The following C12orf56 variants were observed in gnomAD, a reference collection of about 807,000 sequenced individuals.
C12orf56 encodes chromosome 12 open reading frame 56.
In C12orf56, 71 loss-of-function variants were observed where a neutral mutation model predicts 69.9. The observed-to-expected ratio is 1.02, with a 90% confidence interval of 0.84 to 1.24. C12orf56 has a LOEUF of 1.24. C12orf56 is among the 50% of genes most tolerant of loss of function. The pLI is 0.00. For missense variants in C12orf56, 732 were observed against 738.5 expected (o/e 0.99, Z 0.10); for synonymous variants, 276 against 274.1 (o/e 1.01, Z -0.07).
intron 5 of C12orf56, among the ~76,000 whole-genome samples, chr12:64,304,183 G>A (rs908286807): frequency 6.6e-6 from 1 of 151,996 alleles, no homozygotes; most frequent in African/African-American, 2.4e-5. Flanking sequence ...ATCACTTGGT[G>A]TAAATGGCAT....
intron 6 of C12orf56, among the ~76,000 whole-genome samples, chr12:64,300,465 C>T (rs2038429095): frequency 6.6e-6 from 1 of 152,140 alleles, no homozygotes; most frequent in Admixed American, 6.6e-5. Context: ...CTTAATCTAA[C>T]CCTTAAGTGG....
intron 2 of C12orf56, among the ~76,000 whole-genome samples, chr12:64,347,663 T>G (rs1243457275): frequency 1.3e-5 from 2 of 152,120 alleles, no homozygotes; most frequent in African/African-American, 4.8e-5. Flanking sequence ...ATATATGTGT[T>G]GAGTGTGTGA....
At chr12:64,383,856 A>G (rs1357100433) in intron 1 of C12orf56, among the ~76,000 whole-genome samples, 1 of 152,244 alleles carries the variant, frequency 6.6e-6, no homozygotes, top group African/African-American at 2.4e-5. Flanking sequence ...TGGTTTACAA[A>G]GATGACTAAG....
chr12:64,300,297 G>A (rs1320002111), intron 6 of C12orf56, among the ~76,000 whole-genome samples: 4 of 151,964 alleles, frequency 2.6e-5, no homozygotes, highest in Non-Finnish European at 5.9e-5. Context: ...TGGCGGGTCA[G>A]GTCTGTGAAT....
At chr12:64,314,870 C>A (rs1424589643) in intron 4 of C12orf56, among the ~76,000 whole-genome samples, 1 of 149,864 alleles carries the variant, frequency 6.7e-6, no homozygotes, top group African/African-American at 2.5e-5. Flanking sequence ...CTCCTGACCT[C>A]CTGATCCGCC....
chr12:64,339,098 A>G (rs897698390), intron 2 of C12orf56, among the ~76,000 whole-genome samples: 3 of 152,134 alleles, frequency 2.0e-5, no homozygotes, highest in African/African-American at 4.8e-5. Flanking sequence ...CTTTGTTAAC[A>G]TGGTATATAA....
At chr12:64,275,493 A>G in intron 9 of C12orf56, 121 bp from the exon 10 acceptor site, 1 of 466,314 alleles carries the variant, frequency 2.1e-6, no homozygotes, top group Non-Finnish European at 3.8e-6. Flanking sequence ...ACAAGGTCTC[A>G]TGCTGCCACC....
At chr12:64,319,906 A>G (rs1042458839) in intron 3 of C12orf56, among the ~76,000 whole-genome samples, 2 of 151,980 alleles carry the variant, frequency 1.3e-5, no homozygotes, top group African/African-American at 4.8e-5. Flanking sequence ...AAATCTTGCA[A>G]CTGCACTGTC....
intron 6 of C12orf56, 107 bp from the exon 7 acceptor site, chr12:64,286,167 A>T (rs2038199348): frequency 1.4e-6 from 1 of 723,684 alleles, no homozygotes; most frequent in African/African-American, 1.8e-5. Context: ...CTTTGATTAG[A>T]GAAGTGAATT....
chr12:64,384,077 T>A (rs2039756559), intron 1 of C12orf56, among the ~76,000 whole-genome samples: 1 of 152,216 alleles, frequency 6.6e-6, no homozygotes, highest in South Asian at 2.1e-4. Flanking sequence ...TCTCAACTGA[T>A]CTTCATAACA....
chr12:64,313,274 A>AAAAAAAAAGAAAGAAAGAAAGAAAG (rs762664621), intron 4 of C12orf56, among the ~76,000 whole-genome samples: 18 of 81,416 alleles, frequency 2.2e-4, no homozygotes, highest in East Asian at 4.0e-4. Context: ...AAAAAAAAAA[A>AAAAAAAAAGAAAGAAAGAAAGAAAG]AAAGAAAGAA....
chr12:64,281,704 A>G (rs1041355974), intron 8 of C12orf56, among the ~76,000 whole-genome samples: 3 of 152,196 alleles, frequency 2.0e-5, no homozygotes, highest in Admixed American at 1.3e-4. Flanking sequence ...TTACAACCAG[A>G]CTCTACTATA....
chr12:64,285,040 C>A (rs1013595718), intron 7 of C12orf56, among the ~76,000 whole-genome samples: 1 of 152,068 alleles, frequency 6.6e-6, no homozygotes, highest in Non-Finnish European at 1.5e-5. Context: ...GGCCTGAGCC[C>A]AGGAGTTTGA....
intron 1 of C12orf56, among the ~76,000 whole-genome samples, chr12:64,374,544 T>G (rs2039615673): frequency 6.6e-6 from 1 of 151,892 alleles, no homozygotes; most frequent in Non-Finnish European, 1.5e-5. Context: ...TTTCCAACTT[T>G]TTTTTTTCTT....
intron 3 of C12orf56, among the ~76,000 whole-genome samples, chr12:64,329,097 T>G (rs1239182079): frequency 6.6e-6 from 1 of 152,084 alleles, no homozygotes; most frequent in African/African-American, 2.4e-5. Flanking sequence ...TTTCTCCTTT[T>G]TAAATTTACC....
intron 2 of C12orf56, among the ~76,000 whole-genome samples, chr12:64,349,312 C>T (rs1441965096): frequency 6.6e-6 from 1 of 152,184 alleles, no homozygotes; most frequent in Non-Finnish European, 1.5e-5. Flanking sequence ...AACAAAACCA[C>T]AATGCAATAC....
chr12:64,387,288 G>A (rs375445636), intron 1 of C12orf56, among the ~76,000 whole-genome samples: 13 of 152,086 alleles, frequency 8.5e-5, no homozygotes, highest in South Asian at 4.1e-4. Context: ...TCTGCCTATC[G>A]CAACTTCCAA....
At position 64,380,104 on chromosome 12, in the gene C12orf56, CAAAAAA is replaced by C. The variant is rs60079906; in HGVS notation, c.252+10204_252+10209del. 4.6e-3 allele frequency among the ~76,000 whole-genome samples: 230 copies of C among 49,954 alleles called. 6 individuals carry two copies. The highest frequency in any genetic ancestry group is 0.024 in the African/African-American group (213 of 8,894). 32.8% of individuals were successfully genotyped at this position (49,954 alleles called of 152,430 possible). ...TGGGCGACAGAGCAAGACTCCGTCG[CAAAAAA>C]AAAAAAAAAAAAAAAAAAAAAAAAC... On this transcript the variant is annotated intron_variant, in intron 1 of 12. Coordinates refer to ENST00000543942, the MANE Select transcript of C12orf56 (RefSeq NM_001170633.2).
rs527972761 is a variant in C12orf56 at position 64,270,174 on chromosome 12, G to A, written c.1763+362C>T. On this transcript the variant is annotated intron_variant, in intron 12 of 12. Transcript: ENST00000543942. ...GCACTTTGGGAGGCTGAGGTGGGTGGATCATCAGGTTAGGAGTTCGAGATC... is the reference window on the plus strand; with the variant it reads ...GCACTTTGGGAGGCTGAGGTGGGTGAATCATCAGGTTAGGAGTTCGAGATC... Among the ~76,000 whole-genome samples the A allele has an allele frequency of 2.0e-5, 3 of 152,008 alleles. No individual in the cohort carries two copies. The East Asian group carries it at 5.8e-4, about 30-fold the overall frequency.
Sources: gnomAD v4.1 joint callset for allele counts (sites outside exome capture counted in the v4.1 genomes callset) on GRCh38, gnomAD v4.1.1 for gene constraint, MANE v1.5 for transcripts, NCBI Gene and HGNC (gene_info 2026-07-23, HGNC 2026-07-21) for gene names.